Variants in ARFGAP1 observed in about 807,000 individuals in gnomAD.
ARFGAP1 encodes ARF GTPase activating protein 1.
Under a neutral mutation model 54.0 loss-of-function variants are expected in ARFGAP1, and 26 were observed. The ratio of observed to expected loss-of-function variants is 0.48; its 90% CI spans 0.35 to 0.67. The LOEUF (loss-of-function observed/expected upper bound fraction) is 0.67. Ranked by LOEUF, ARFGAP1 falls within the 30% of genes least tolerant of loss-of-function variation. The pLI, the probability that ARFGAP1 is intolerant of heterozygous loss-of-function variation, is 0.00. For synonymous variants in ARFGAP1, 248 were observed against 211.9 expected, an observed-to-expected ratio of 1.17 and a Z score of -1.48; for missense variants, 525 against 535.8, an observed-to-expected ratio of 0.98 and a Z score of 0.20.
chr20:63,283,889 C>T (rs758197491), intron 9 of ARFGAP1: 135 of 1,613,358 alleles, frequency 8.4e-5, no homozygotes, highest in Non-Finnish European at 1.1e-4. Flanking sequence ...CGGTAAAGCC[C>T]GTGTCTGCTC....
intron 10 of ARFGAP1, 74 bp from the exon 11 acceptor site, chr20:63,285,580 G>T: frequency 6.6e-7 from 1 of 1,509,334 alleles, no homozygotes; most frequent in Non-Finnish European, 9.2e-7. Flanking sequence ...TCACCCGGGG[G>T]ATTCCTGCAC....
chr20:63,278,335 C>T (rs1056776430), intron 6 of ARFGAP1, 132 bp downstream of exon 6: 6 of 883,596 alleles, frequency 6.8e-6, no homozygotes, highest in Non-Finnish European at 1.1e-5. Flanking sequence ...GGTGCAGGGT[C>T]TGATTGCAGT....
Position 63,276,453 on chromosome 20 carries a change from T to G in ARFGAP1, c.171-27T>G, listed in dbSNP as rs746435136. 3 of 1,596,310 alleles carry G rather than the reference T, an allele frequency of 1.9e-6. No homozygotes were observed. Among genetic ancestry groups the G allele is most frequent in the Non-Finnish European group, 1.7e-6 (2 of 1,169,676 alleles). On this transcript the variant is annotated intron_variant, in intron 3 of 12. Coordinates refer to ENST00000370283, the MANE Select transcript of ARFGAP1 (RefSeq NM_018209.4). The surrounding 1 kb of genome is among the most constrained non-coding windows in gnomAD (Gnocchi z 5.2). ...GTCCCTGGGTGTCCCCGGTGCTGGTTGATCTGCTCGATCCTCTGCTTTCCA... is the reference window on the plus strand; with the variant it reads ...GTCCCTGGGTGTCCCCGGTGCTGGTGGATCTGCTCGATCCTCTGCTTTCCA...
At chr20:63,273,407 A>G (rs1344971979) in intron 1 of ARFGAP1, 2 of 152,350 alleles carry the variant, frequency 1.3e-5, no homozygotes, top group Non-Finnish European at 2.9e-5. Context: ...CCACCCCCTA[A>G]GAAGTGAGGG....
chr20:63,288,535 C>T lies in ARFGAP1; in HGVS notation c.*662C>T, dbSNP rs767109666. On this transcript the variant is annotated 3_prime_UTR_variant, in exon 13 of 13. Coordinates refer to ENST00000370283, the MANE Select transcript of ARFGAP1 (RefSeq NM_018209.4). The stretch of plus-strand genomic sequence containing the variant: ...CCAGACACGGCCTCCACAATAGCCA[C>T]ACCCACACCTGAGCTGTTCTCAGTG... The T allele has an allele frequency of 2.0e-5, 9 of 455,998 alleles. No individual in the cohort carries two copies. In the East Asian group the frequency reaches 3.5e-4, roughly 18 times the overall value. 28.2% of individuals were successfully genotyped at this position (455,998 alleles called of 1,614,324 possible).
rs775931526 is a variant in ARFGAP1 at position 63,288,382 on chromosome 20, G to A, written c.*509G>A. On this transcript the variant is annotated 3_prime_UTR_variant, in exon 13 of 13. Coordinates refer to ENST00000370283, the MANE Select transcript of ARFGAP1 (RefSeq NM_018209.4). Reference sequence around the variant, plus strand: ...TGGAAATGATACTGGCGCTCACGCTGCCATCCGACCACCCTCGGCTCCCGA... The same window carrying A: ...TGGAAATGATACTGGCGCTCACGCTACCATCCGACCACCCTCGGCTCCCGA... The A allele has an allele frequency of 1.5e-5, 7 of 456,284 alleles. No individual in the cohort carries two copies. The highest frequency in any genetic ancestry group is 3.1e-5 in the Non-Finnish European group (7 of 227,024). The allele number at this position is 456,284 out of a possible 1,614,324, so 28.3% of individuals were successfully genotyped here. A position where few individuals can be genotyped will look rare whatever the true frequency, so the allele number is the denominator to read the frequency against.
rs986496177 is a variant in ARFGAP1, at chr20:63,276,575, C to T, written c.266C>T (p.Ser89Phe). The change falls in exon 4 of 13, where the codon TCT (serine) becomes TTT (phenylalanine). Residue 89 changes from serine to phenylalanine, a missense_variant. Transcript: ENST00000370283. This position sits in a 1 kb window ranked among gnomAD's most constrained non-coding sequence, Gnocchi z 5.2. ...GNAKFREFLESQEDYDPCWSL... is the reference protein window; with the variant it reads ...GNAKFREFLEFQEDYDPCWSL... ...GCTAAGTTCCGAGAGTTCCTGGAGT[C>T]TCAGGAGGATTACGATCCTTGCTGG... 6.2e-7 allele frequency: 1 copy of T among 1,613,894 alleles called. No homozygotes were observed. The highest frequency in any genetic ancestry group is 1.3e-5 in the African/African-American group (1 of 74,926).
intron 5 of ARFGAP1, 147 bp downstream of exon 5, chr20:63,277,452 C>T (rs2067263472): frequency 1.5e-6 from 1 of 678,490 alleles, no homozygotes; most frequent in East Asian, 3.1e-5. Context: ...TTAAAATTGC[C>T]AAAACAATAC....
At chr20:63,287,445 CCT>C in intron 12 of ARFGAP1, 117 bp from the exon 13 acceptor site, 1 of 937,140 alleles carries the variant, frequency 1.1e-6, no homozygotes, top group Non-Finnish European at 1.5e-6. Context: ...TGCTGTGGAC[CCT>C]GAGCGCTGGC....
chr20:63,274,615 A>G (rs3787134), intron 1 of ARFGAP1, among the ~76,000 whole-genome samples: 6,887 of 152,142 alleles, frequency 0.045, 270 homozygotes, highest in South Asian at 0.16. Flanking sequence ...GATGAGCCTC[A>G]GACAACGCAC....
At position 63,276,425 on chromosome 20, in the gene ARFGAP1, G is replaced by C; in HGVS notation, c.171-55G>C. On this transcript the variant is annotated intron_variant, in intron 3 of 12. Transcript: ENST00000370283. The surrounding 1 kb of genome is among the most constrained non-coding windows in gnomAD (Gnocchi z 5.2). ...ATTCTCAGGACGATGCTGGGTGGAG[G>C]GTGTCCCTGGGTGTCCCCGGTGCTG... 1 of 1,568,584 alleles carries C rather than the reference G, an allele frequency of 6.4e-7. No individual in the cohort carries two copies. Among genetic ancestry groups the C allele is most frequent in the Non-Finnish European group, 8.7e-7 (1 of 1,154,052 alleles).
intron 5 of ARFGAP1, 147 bp downstream of exon 5, chr20:63,277,452 C>A: frequency 1.5e-6 from 1 of 678,486 alleles, no homozygotes; most frequent in Non-Finnish European, 2.3e-6. Context: ...TTAAAATTGC[C>A]AAAACAATAC....
chr20:63,284,384 C>T, intron 9 of ARFGAP1: 1 of 1,070,242 alleles, frequency 9.3e-7, no homozygotes, highest in South Asian at 3.3e-5. Context: ...GCCTCGACTC[C>T]ACTGACCCAG....
At chr20:63,286,095 A>G in intron 11 of ARFGAP1, 1 of 1,550,106 alleles carries the variant, frequency 6.5e-7, no homozygotes, top group Non-Finnish European at 8.7e-7. Context: ...AGGGAAGAGC[A>G]GGCCTCGCTC....
intron 9 of ARFGAP1, chr20:63,283,206 G>A: frequency 5.1e-6 from 2 of 394,472 alleles, no homozygotes; most frequent in South Asian, 3.1e-5. Context: ...TGTGGTTGGT[G>A]CTGTGCCTGC....
chr20:63,277,035 G>A (rs572926363), intron 4 of ARFGAP1, among the ~76,000 whole-genome samples, 170 bp from the exon 5 acceptor site: 101 of 152,274 alleles, frequency 6.6e-4, no homozygotes, highest in African/African-American at 2.3e-3. Flanking sequence ...TCCTGGCCTC[G>A]CATCCACACC....
chr20:63,288,867 G>A lies in ARFGAP1; in HGVS notation c.*994G>A. ...GTGACCCTCAGTCTTGGCCAGCCAT[G>A]CATGCGCCCGAAGCTCGTGCAGTTT... On this transcript the variant is annotated 3_prime_UTR_variant, in exon 13 of 13. Coordinates refer to ENST00000370283, the MANE Select transcript of ARFGAP1 (RefSeq NM_018209.4). The A allele has an allele frequency of 3.6e-6, 1 of 280,288 alleles. No individual in the cohort carries two copies. The highest frequency in any genetic ancestry group is 7.2e-6 in the Non-Finnish European group (1 of 139,282). The allele number at this position is 280,288 out of a possible 1,614,324, so 17.4% of individuals were successfully genotyped here. A position where few individuals can be genotyped will look rare whatever the true frequency, so the allele number is the denominator to read the frequency against.
intron 9 of ARFGAP1, 166 bp from the exon 10 acceptor site, chr20:63,284,700 G>C (rs574523335): frequency 6.9e-6 from 10 of 1,455,962 alleles, no homozygotes; most frequent in South Asian, 6.8e-5. Flanking sequence ...ACTGCCCTTC[G>C]GGTGTTGTGT....
At chr20:63,285,387 A>G in intron 10 of ARFGAP1, 1 of 554,602 alleles carries the variant, frequency 1.8e-6, no homozygotes, top group Non-Finnish European at 3.2e-6. Flanking sequence ...CACCTGGGGC[A>G]GCGTGGGCTG....
Sources: allele counts gnomAD v4.1 joint callset (sites outside exome capture counted in the v4.1 genomes callset), GRCh38; gene constraint gnomAD v4.1.1; non-coding constraint Gnocchi (gnomAD v3.1); transcripts MANE v1.5; gene names NCBI Gene and HGNC (gene_info 2026-07-23, HGNC 2026-07-21).